The following BRD2 variants were observed in gnomAD, a reference collection of about 807,000 sequenced individuals.
BRD2 encodes bromodomain containing 2.
In BRD2, 15 loss-of-function variants were observed where a neutral mutation model predicts 79.1. That is an observed-to-expected ratio of 0.19 (90% CI 0.13 to 0.29). The LOEUF (loss-of-function observed/expected upper bound fraction) is 0.29, where lower values mean the gene tolerates loss of function less well. Among genes scored for constraint, BRD2 ranks in the 10% least tolerant of loss-of-function variants. The pLI is 1.00. For synonymous variants in BRD2, 488 were observed against 358.6 expected (o/e 1.36, Z -4.08); for missense variants, 1,053 against 991.3 (o/e 1.06, Z -0.84).
chr6:32,977,078 C>G, intron 7 of BRD2, 142 bp downstream of exon 7: 1 of 1,285,156 alleles, frequency 7.8e-7, no homozygotes, highest in Non-Finnish European at 1.0e-6. Flanking sequence ...AACAGAAGGT[C>G]TGGTGTTTTG....
intron 10 of BRD2, chr6:32,978,852 A>G (rs1029181673): frequency 5.9e-6 from 1 of 170,914 alleles, no homozygotes; most frequent in Non-Finnish European, 1.2e-5. Flanking sequence ...AGCTACTCTG[A>G]CAGTGAACTC....
In BRD2 at chr6:32,972,594, C is replaced by T; in HGVS notation, c.-305C>T. 1 of 543,108 alleles carries T rather than the reference C, an allele frequency of 1.8e-6. No individual in the cohort carries two copies. The highest frequency in any genetic ancestry group is 2.2e-5 in the South Asian group (1 of 44,926). 33.6% of individuals were successfully genotyped at this position (543,108 alleles called of 1,614,324 possible). A position where few individuals can be genotyped will look rare whatever the true frequency, so the allele number is the denominator to read the frequency against. ...GACCAACAGCGGGCTATATTGACGA[C>T]GGTGTCTGAGATCGGGGACCGTCTT... On this transcript the variant is annotated 5_prime_UTR_variant, in exon 2 of 13. The change creates a new upstream start codon in the 5' untranslated region. Transcript: ENST00000374825.
rs931481885 is a variant in BRD2, at chr6:32,968,992, G to C, written c.-1369G>C. 3.7e-5 allele frequency: 9 copies of C among 242,500 alleles called. No individual in the cohort carries two copies. The highest frequency in any genetic ancestry group is 6.4e-5 in the Non-Finnish European group (8 of 124,120). The allele number at this position is 242,500 out of a possible 1,614,324, so 15.0% of individuals were successfully genotyped here. The stretch of plus-strand genomic sequence containing the variant: ...TTTCTGGGGGGGGGTTGACACCCCG[G>C]ATTACATACCCCGTACCAAGCCGAG... On this transcript the variant is annotated 5_prime_UTR_variant, in exon 1 of 13. Transcript: ENST00000374825.
intron 10 of BRD2, 90 bp downstream of exon 10, chr6:32,978,478 C>G: frequency 6.5e-7 from 1 of 1,534,424 alleles, no homozygotes; most frequent in Non-Finnish European, 8.7e-7. Flanking sequence ...TTCTAAATGG[C>G]CAGTTAACAG....
chr6:32,974,678 A>G lies in BRD2; in HGVS notation c.246A>G (p.Leu82=), dbSNP rs776515671. ...PGRVTNQLQY[L]HKVVMKALWK... is the part of the protein sequence containing the mutation. ...GAGTTACCAACCAGCTGCAATACCT[A>G]CACAAGGTAGTGATGAAGGCTCTGT... The change falls in exon 3 of 13, where the codon CTA becomes CTG. Residue 82 remains leucine, a synonymous_variant. Transcript: ENST00000374825. The G allele has an allele frequency of 8.7e-6, 14 of 1,614,188 alleles. No homozygotes were observed. Among genetic ancestry groups the G allele is most frequent in the Non-Finnish European group, 1.2e-5 (14 of 1,180,030 alleles).
chr6:32,978,235 A>G lies in BRD2; in HGVS notation c.1688A>G (p.His563Arg). 6.2e-7 allele frequency: 1 copy of G among 1,613,104 alleles called. No individual in the cohort carries two copies. Among genetic ancestry groups the G allele is most frequent in the Non-Finnish European group, 8.5e-7 (1 of 1,180,034 alleles). ...EKKKKRKAEK[H>R]RGRAGADEDD... ...AAGAAGAAACGGAAGGCAGAGAAGC[A>G]TCGAGGCCGAGCTGGGGCCGATGAA... Residue 563 changes from histidine to arginine, a missense_variant, in exon 10 of 13, where the codon CAT (histidine) becomes CGT (arginine). Physicochemically the swap from His to Arg is conservative, Grantham distance 29. Around this residue, in one of 5 missense-constraint regions of BRD2, gnomAD observed 454 missense variants for 430.5 expected, o/e 1.05. Transcript: ENST00000374825.
intron 2 of BRD2, among the ~76,000 whole-genome samples, chr6:32,973,778 G>C (rs1778348779): frequency 6.6e-6 from 1 of 152,066 alleles, no homozygotes; most frequent in African/African-American, 2.4e-5. Context: ...GACTTCCTTG[G>C]AGTGAGGAGA....
chr6:32,969,899 T>C (rs1338723382), intron 1 of BRD2, among the ~76,000 whole-genome samples: 1 of 152,174 alleles, frequency 6.6e-6, no homozygotes, highest in African/African-American at 2.4e-5. Flanking sequence ...CCCCCAGTCC[T>C]GAACAGTTCT....
chr6:32,976,796 A>G lies in BRD2; in HGVS notation c.1060A>G (p.Asn354Asp). The G allele has an allele frequency of 1.2e-6, 2 of 1,613,226 alleles. No individual in the cohort carries two copies. The highest frequency in any genetic ancestry group is 2.2e-5 in the South Asian group (2 of 91,082). Reference sequence around the variant, plus strand: ...GCTTTCAGAACAGTTAAAACATTGCAATGGCATTTTGAAGGAGTTACTCTC... The same window carrying G: ...GCTTTCAGAACAGTTAAAACATTGCGATGGCATTTTGAAGGAGTTACTCTC... The part of the protein sequence containing the change: ...GKLSEQLKHC[N>D]GILKELLSKK... Residue 354 changes from asparagine (N) to aspartate (D), a missense_variant, in exon 7 of 13, where the codon AAT becomes GAT. This residue lies in a region of BRD2 where 454 missense variants were observed against 430.5 expected (regional missense o/e 1.05). Transcript: ENST00000374825.
chr6:32,975,074 C>T, intron 3 of BRD2: 4 of 1,517,062 alleles, frequency 2.6e-6, no homozygotes, highest in Non-Finnish European at 3.5e-6. Flanking sequence ...TTAGCTTCTT[C>T]CTTTCCCTCA....
In BRD2 at chr6:32,974,607, G is replaced by T. The variant is rs753668882; in HGVS notation, c.175G>T (p.Ala59Ser). The change falls in exon 3 of 13, where the codon GCC (alanine) becomes TCC (serine). Residue 59 changes from alanine to serine, a missense_variant. Around this residue, in one of 5 missense-constraint regions of BRD2, gnomAD observed 413 missense variants for 335.1 expected, o/e 1.23. Coordinates refer to ENST00000374825, the MANE Select transcript of BRD2 (RefSeq NM_005104.4). Reference sequence around the variant, plus strand: ...GGTGCCTGCTTTGCAACTTACCCCTGCCAACCCACCACCCCCGGAGGTGTC... The same window carrying T: ...GGTGCCTGCTTTGCAACTTACCCCTTCCAACCCACCACCCCCGGAGGTGTC... ...ASVPALQLTP[A>S]NPPPPEVSNP... 9 of 1,614,174 alleles carry T rather than the reference G, an allele frequency of 5.6e-6. No homozygotes were observed. The highest frequency in any genetic ancestry group is 1.7e-5 in the Admixed American group (1 of 60,020).
chr6:32,978,670 GCACTT>G, intron 10 of BRD2: 1 of 540,576 alleles, frequency 1.8e-6, no homozygotes, highest in East Asian at 3.1e-5. Flanking sequence ...TGTACCATGC[GCACTT>G]CACAGTAGGG....
intron 1 of BRD2, among the ~76,000 whole-genome samples, chr6:32,969,695 C>G (rs747829947): frequency 2.6e-5 from 4 of 152,196 alleles, no homozygotes; most frequent in Non-Finnish European, 5.9e-5. Flanking sequence ...CTACTCCAGG[C>G]TGGGGTGCTT....
At chr6:32,979,057 GTT>G (rs1779165402) in intron 10 of BRD2, 1 of 78,882 alleles carries the variant, frequency 1.3e-5, no homozygotes, top group African/African-American at 4.1e-5. Flanking sequence ...GTTTTTTTTT[GTT>G]AGTTTGTTTT....
At chr6:32,970,884 G>A (rs1777883011) in intron 1 of BRD2, 1 of 152,338 alleles carries the variant, frequency 6.6e-6, no homozygotes, top group African/African-American at 2.4e-5. Flanking sequence ...AGGGGAGGAG[G>A]GGAGGAGGGG....
rs192593423 is a variant in BRD2, at chr6:32,968,778, C to T, written c.-1583C>T. ...GGCCCCTTGGCGCGACCCCCAGGAA[C>T]GTTCGGAAAGCTGGTCCTCGTGGCT... is the stretch of plus-strand genomic sequence containing the variant. On this transcript the variant is annotated 5_prime_UTR_variant, in exon 1 of 13. It adds an upstream start codon to the 5' untranslated region. Coordinates refer to ENST00000374825, the MANE Select transcript of BRD2 (RefSeq NM_005104.4). 416 of 148,546 alleles carry T rather than the reference C, an allele frequency of 2.8e-3. 6 individuals carry two copies. The highest frequency in any genetic ancestry group is 0.026 in the Admixed American group (386 of 15,116). 9.2% of individuals were successfully genotyped at this position (148,546 alleles called of 1,614,324 possible).
In BRD2 at chr6:32,978,201, A is replaced by C; in HGVS notation, c.1654A>C (p.Lys552Gln). 2.5e-6 allele frequency: 4 copies of C among 1,612,984 alleles called. No individual in the cohort carries two copies. The highest frequency in any genetic ancestry group is 3.4e-6 in the Non-Finnish European group (4 of 1,180,010). Residue 552 changes from lysine to glutamine, a missense_variant, in exon 10 of 13, where the codon AAA becomes CAA. By Grantham distance (53) the Lys-to-Gln change is moderately conservative (BLOSUM62 1). Coordinates refer to ENST00000374825, the MANE Select transcript of BRD2 (RefSeq NM_005104.4). ...CAAGCCCAAGAGGAAAAGAGAGAAA[A>C]AAGAGAAAAAGAAGAAACGGAAGGC... ...ISKPKRKREK[K>Q]EKKKKRKAEK...
In BRD2 at chr6:32,973,094, T is replaced by C. The variant is rs995093214; in HGVS notation, c.29+167T>C. 9.6e-6 allele frequency: 15 copies of C among 1,567,278 alleles called. No homozygotes were observed. In the Admixed American group the frequency reaches 1.7e-4, roughly 18 times the overall value. On this transcript the variant is annotated intron_variant, in intron 2 of 12. Transcript: ENST00000374825. The stretch of plus-strand genomic sequence containing the variant: ...TTGAGCGACGGTTTTGGAACGGTGG[T>C]GGCGGCTCGGCTACTGCTCGTGGAG...
Position 32,976,021 on chromosome 6 carries a change from G to C in BRD2, c.472-10G>C, listed in dbSNP as rs1381788307. ...TTTAACTTTCTTTATTGCTGTCTGTGTTCTCATAGCCCACTGATGATATTG... is the reference window on the plus strand; with the variant it reads ...TTTAACTTTCTTTATTGCTGTCTGTCTTCTCATAGCCCACTGATGATATTG... On this transcript the variant is annotated splice_polypyrimidine_tract_variant and intron_variant, in intron 4 of 12. Transcript: ENST00000374825. 1.3e-6 allele frequency: 2 copies of C among 1,589,588 alleles called. No individual in the cohort carries two copies. Among genetic ancestry groups the C allele is most frequent in the African/African-American group, 1.4e-5 (1 of 73,360 alleles).
Sources: gnomAD v4.1 joint callset for allele counts (sites outside exome capture counted in the v4.1 genomes callset) on GRCh38, gnomAD v4.1.1 for gene constraint, gnomAD v4.1.1 regional missense constraint, MANE v1.5 for transcripts, NCBI Gene and HGNC (gene_info 2026-07-23, HGNC 2026-07-21) for gene names.